The following DYNC2H1 variants were observed in gnomAD, a reference collection of about 807,000 sequenced individuals.
DYNC2H1 encodes the protein dynein cytoplasmic 2 heavy chain 1.
A neutral mutation model predicts 570.0 loss-of-function variants in DYNC2H1; 410 were observed. The observed-to-expected ratio is 0.72, with a 90% CI of 0.66 to 0.78. The LOEUF is 0.78. Among genes scored for constraint, DYNC2H1 ranks in the 30% least tolerant of loss-of-function variants. The pLI is 0.00. For missense variants in DYNC2H1, 4,865 were observed against 5,046.4 expected (o/e 0.96, Z 1.09); for synonymous variants, 1,688 against 1,677.6 (o/e 1.01, Z -0.15).
intron 80 of DYNC2H1, among the ~76,000 whole-genome samples, chr11:103,318,457 C>T (rs1393609308): frequency 6.6e-6 from 1 of 152,112 alleles, no homozygotes; most frequent in African/African-American, 2.4e-5. Flanking sequence ...ATAGATTCAG[C>T]TATGTGTTTG....
At chr11:103,470,896 A>G (rs1467293019) in intron 88 of DYNC2H1, among the ~76,000 whole-genome samples, 2 of 152,190 alleles carry the variant, frequency 1.3e-5, no homozygotes, top group Non-Finnish European at 2.9e-5. Flanking sequence ...GTGTCTTTAT[A>G]GCAGCATGAT....
At chr11:103,371,297 C>T (rs1043420479) in intron 83 of DYNC2H1, among the ~76,000 whole-genome samples, 6 of 152,084 alleles carry the variant, frequency 3.9e-5, no homozygotes, top group Admixed American at 3.9e-4. Flanking sequence ...AGCACACCTA[C>T]AGGTTCTAGA....
chr11:103,247,232 A>C (rs1864653424), intron 65 of DYNC2H1, among the ~76,000 whole-genome samples: 1 of 152,004 alleles, frequency 6.6e-6, no homozygotes, highest in Non-Finnish European at 1.5e-5. Context: ...TTTTATTTCC[A>C]TGTTGAGTTT....
chr11:103,115,410 A>G, intron 4 of DYNC2H1, 115 bp downstream of exon 4: 1 of 606,930 alleles, frequency 1.6e-6, no homozygotes, highest in South Asian at 2.7e-5. Context: ...AACAAAATAG[A>G]TTCTTTATAT....
intron 65 of DYNC2H1, among the ~76,000 whole-genome samples, chr11:103,251,367 TG>T (rs1231883715): frequency 2.0e-5 from 3 of 151,774 alleles, no homozygotes; most frequent in African/African-American, 7.3e-5. Context: ...GTATATACTT[TG>T]CCATTCTTTA....
At chr11:103,123,817 T>A (rs1858847551) in intron 11 of DYNC2H1, among the ~76,000 whole-genome samples, 1 of 116,038 alleles carries the variant, frequency 8.6e-6, no homozygotes, top group South Asian at 3.2e-4. Context: ...TGAAACCCCC[T>A]CCTCCTGCCC....
At chr11:103,207,182 A>G (rs913475130) in intron 52 of DYNC2H1, among the ~76,000 whole-genome samples, 18 of 150,534 alleles carry the variant, frequency 1.2e-4, no homozygotes, top group South Asian at 2.1e-4. Flanking sequence ...CGGCCTCCCA[A>G]AGTGCTAGGA....
chr11:103,329,818 A>C (rs762312140), intron 82 of DYNC2H1, among the ~76,000 whole-genome samples: 8 of 152,148 alleles, frequency 5.3e-5, no homozygotes, highest in Non-Finnish European at 1.2e-4. Context: ...ATTTAAAGCA[A>C]CTATAAATAT....
chr11:103,250,521 A>G (rs1347491817), intron 65 of DYNC2H1, among the ~76,000 whole-genome samples: 3 of 152,042 alleles, frequency 2.0e-5, no homozygotes, highest in African/African-American at 4.8e-5. Context: ...GAATCCCACT[A>G]TCTAATGTTA....
In DYNC2H1 at chr11:103,369,559, CT is replaced by C. The variant is rs1374585566; in HGVS notation, c.12156+11202del. 6.6e-6 allele frequency among the ~76,000 whole-genome samples: 1 copy of C among 152,154 alleles called. No individual in the cohort carries two copies. Among genetic ancestry groups the C allele is most frequent in the Non-Finnish European group, 1.5e-5 (1 of 68,020 alleles). The stretch of plus-strand genomic sequence containing the variant: ...TCACATCTCCAAAACAGACTCTTTC[CT>C]TCTGTTTGAGGAGAGGAGGGTAAAA... On this transcript the variant is annotated intron_variant, in intron 83 of 88. Coordinates refer to ENST00000375735, the MANE Select transcript of DYNC2H1 (RefSeq NM_001377.3). The surrounding 1 kb of genome is among the most constrained non-coding windows in gnomAD (Gnocchi z 4.0).
In DYNC2H1 at chr11:103,241,584, G is replaced by T. The variant is rs1473647833; in HGVS notation, c.9820-2109G>T. The stretch of plus-strand genomic sequence containing the variant: ...TTAAAAATTTAAAATAATTACTTTT[G>T]TAGTTAGGCAAAATGCAGAATTGTG... On this transcript the variant is annotated intron_variant, in intron 63 of 88. Coordinates refer to ENST00000375735, the MANE Select transcript of DYNC2H1 (RefSeq NM_001377.3). The surrounding 1 kb of genome is among the most constrained non-coding windows in gnomAD (Gnocchi z 5.1). The T allele has an allele frequency of 6.6e-7, 1 of 1,514,716 alleles. No individual in the cohort carries two copies. Among genetic ancestry groups the T allele is most frequent in the Non-Finnish European group, 9.0e-7 (1 of 1,106,348 alleles). 93.8% of individuals were successfully genotyped at this position (1,514,716 alleles called of 1,614,324 possible). A position where few individuals can be genotyped will look rare whatever the true frequency, so the allele number is the denominator to read the frequency against.
At position 103,151,937 on chromosome 11, in the gene DYNC2H1, A is replaced by G. The variant is rs552053968; in HGVS notation, c.2947-199A>G. On this transcript the variant is annotated intron_variant, in intron 20 of 88. Transcript: ENST00000375735. The surrounding 1 kb of genome is among the most constrained non-coding windows in gnomAD (Gnocchi z 4.6). ...CCTTAGTTGAATTTGTGTATAGTAA[A>G]AAATAACCATCAGAAAGTTTATATC... 6.6e-6 allele frequency among the ~76,000 whole-genome samples: 1 copy of G among 152,204 alleles called. No homozygotes were observed. Among genetic ancestry groups the G allele is most frequent in the Non-Finnish European group, 1.5e-5 (1 of 67,984 alleles).
chr11:103,109,748 A>G lies in DYNC2H1; in HGVS notation c.174A>G (p.Ala58=). Residue 58 remains alanine (A), a synonymous_variant, in exon 1 of 89, where the codon GCA becomes GCG. Coordinates refer to ENST00000375735, the MANE Select transcript of DYNC2H1 (RefSeq NM_001377.3). The part of the protein sequence containing the change: ...QMLLRVQRSD[A]GISFSNTIEF... Reference sequence around the variant, plus strand: ...TCCTCAGGGTGCAGCGATCCGACGCAGGAATCTCCTTTTCCAACACGGTAC... The same window carrying G: ...TCCTCAGGGTGCAGCGATCCGACGCGGGAATCTCCTTTTCCAACACGGTAC... 6.2e-7 allele frequency: 1 copy of G among 1,613,570 alleles called. No individual in the cohort carries two copies. Among genetic ancestry groups the G allele is most frequent in the Non-Finnish European group, 8.5e-7 (1 of 1,179,748 alleles).
chr11:103,426,750 C>T (rs1359269709), intron 84 of DYNC2H1, among the ~76,000 whole-genome samples: 2 of 152,060 alleles, frequency 1.3e-5, no homozygotes, highest in East Asian at 3.9e-4. Context: ...GGGCTTGAAC[C>T]CAGGTTTGTT....
In DYNC2H1 at chr11:103,181,989, T is replaced by C. The variant is rs1046389649; in HGVS notation, c.6477+103T>C. The C allele has an allele frequency of 1.6e-5, 21 of 1,323,048 alleles. No individual in the cohort carries two copies. The highest frequency in any genetic ancestry group is 2.2e-5 in the Non-Finnish European group (21 of 970,138). The allele number at this position is 1,323,048 out of a possible 1,614,324, so 82.0% of individuals were successfully genotyped here. ...TGGTAGAACTCTGCTGGAATGTGGG[T>C]GTGAGGTGAGAGGTGGATTTTGTCA... On this transcript the variant is annotated intron_variant, in intron 40 of 88. Coordinates refer to ENST00000375735, the MANE Select transcript of DYNC2H1 (RefSeq NM_001377.3). The surrounding 1 kb of genome is among the most constrained non-coding windows in gnomAD (Gnocchi z 5.0).
chr11:103,117,344 A>ATG (rs1393625626), intron 5 of DYNC2H1, among the ~76,000 whole-genome samples: 2 of 150,100 alleles, frequency 1.3e-5, no homozygotes, highest in Non-Finnish European at 3.0e-5. Context: ...TTTGTTACAT[A>ATG]TGTATACATG....
intron 85 of DYNC2H1, among the ~76,000 whole-genome samples, chr11:103,443,369 A>T (rs1449428539): frequency 2.0e-5 from 3 of 151,950 alleles, no homozygotes; most frequent in African/African-American, 7.2e-5. Flanking sequence ...GATTGGTTTT[A>T]TTGTTAATTT....
intron 85 of DYNC2H1, among the ~76,000 whole-genome samples, chr11:103,441,495 C>T (rs1944267078): frequency 6.6e-6 from 1 of 151,866 alleles, no homozygotes; most frequent in Non-Finnish European, 1.5e-5. Flanking sequence ...AAGAAAGCTT[C>T]ATAAGGGCAG....
chr11:103,322,576 A>T (rs973361727), intron 81 of DYNC2H1, among the ~76,000 whole-genome samples: 1 of 152,122 alleles, frequency 6.6e-6, no homozygotes, highest in Non-Finnish European at 1.5e-5. Context: ...GTATATATAT[A>T]TTTTTATGTA....
Sources: allele counts gnomAD v4.1 joint callset (sites outside exome capture counted in the v4.1 genomes callset), GRCh38; gene constraint gnomAD v4.1.1; non-coding constraint Gnocchi (gnomAD v3.1); transcripts MANE v1.5; gene names NCBI Gene and HGNC (gene_info 2026-07-23, HGNC 2026-07-21).